Variants in FARS2 observed in about 807,000 individuals in gnomAD.
The protein encoded by FARS2 is phenylalanyl-tRNA synthetase 2, mitochondrial.
FARS2 carries 40 observed loss-of-function variants against 46.4 expected under a neutral mutation model. The ratio of observed to expected loss-of-function variants is 0.86; its 90% CI spans 0.67 to 1.12. The LOEUF (loss-of-function observed/expected upper bound fraction) is 1.12, where lower values mean the gene tolerates loss of function less well. FARS2 is among the 50% of genes most tolerant of loss of function. The pLI is 0.00. For missense variants in FARS2, 513 were observed against 567.9 expected (o/e 0.90, Z 0.98); for synonymous variants, 234 against 214.9 (o/e 1.09, Z -0.78).
intron 6 of FARS2, among the ~76,000 whole-genome samples, chr6:5,632,035 T>TA (rs914906141): frequency 9.9e-5 from 15 of 151,796 alleles, no homozygotes; most frequent in Non-Finnish European, 1.9e-4. Context: ...TAAAGTTAGA[T>TA]AAAACGAGCC....
intron 1 of FARS2, among the ~76,000 whole-genome samples, chr6:5,324,825 C>A (rs544862902): frequency 6.6e-6 from 1 of 152,240 alleles, no homozygotes; most frequent in South Asian, 2.1e-4. Flanking sequence ...CTGTGTACTT[C>A]ACACTGTGCA....
At chr6:5,571,552 C>G (rs1200254626) in intron 5 of FARS2, among the ~76,000 whole-genome samples, 2 of 152,086 alleles carry the variant, frequency 1.3e-5, no homozygotes, top group Non-Finnish European at 2.9e-5. Context: ...ATCACGAGCC[C>G]TCTGCTTCAC....
At chr6:5,749,606 T>G (rs1318504776) in intron 6 of FARS2, among the ~76,000 whole-genome samples, 2 of 152,228 alleles carry the variant, frequency 1.3e-5, no homozygotes, top group Non-Finnish European at 2.9e-5. Flanking sequence ...CCTTCTGTGC[T>G]GAAGGCCCCT....
At chr6:5,474,742 C>T (rs958430900) in intron 4 of FARS2, among the ~76,000 whole-genome samples, 2 of 145,978 alleles carry the variant, frequency 1.4e-5, no homozygotes, top group Non-Finnish European at 3.0e-5. Flanking sequence ...TTCACTGCAA[C>T]CTCTTCCTCC....
chr6:5,421,438 A>C (rs773878688), intron 3 of FARS2, among the ~76,000 whole-genome samples: 1 of 151,990 alleles, frequency 6.6e-6, no homozygotes, highest in Non-Finnish European at 1.5e-5. Flanking sequence ...ATTAACTTTC[A>C]CCTTCTTGTT....
At chr6:5,525,479 GAATT>G (rs1769405714) in intron 4 of FARS2, among the ~76,000 whole-genome samples, 1 of 152,172 alleles carries the variant, frequency 6.6e-6, no homozygotes, top group African/African-American at 2.4e-5. Flanking sequence ...AGGCCCTGGA[GAATT>G]CCAGCGTGGC....
chr6:5,287,167 G>C (rs1276665477), intron 1 of FARS2, among the ~76,000 whole-genome samples: 2 of 152,202 alleles, frequency 1.3e-5, no homozygotes, highest in Non-Finnish European at 2.9e-5. Context: ...AAATTTCCCG[G>C]GTGTGATATA....
chr6:5,340,704 A>G (rs1771494325), intron 1 of FARS2, among the ~76,000 whole-genome samples: 1 of 152,172 alleles, frequency 6.6e-6, no homozygotes, highest in Non-Finnish European at 1.5e-5. Context: ...TTCTTTCAGT[A>G]GGAACTCTGG....
chr6:5,767,928 T>C (rs1762835951), intron 6 of FARS2, among the ~76,000 whole-genome samples: 1 of 152,186 alleles, frequency 6.6e-6, no homozygotes, highest in Admixed American at 6.5e-5. Flanking sequence ...TGAGGGCATC[T>C]TTCACTTGAG....
chr6:5,352,336 T>G (rs1011150596), intron 1 of FARS2, among the ~76,000 whole-genome samples: 5 of 151,792 alleles, frequency 3.3e-5, no homozygotes, highest in Admixed American at 3.3e-4. Context: ...AAAAAAAAGC[T>G]TCCCAACCAG....
intron 4 of FARS2, among the ~76,000 whole-genome samples, chr6:5,491,548 A>G (rs620087): frequency 0.59 from 90,027 of 152,066 alleles, 26,943 homozygotes; most frequent in African/African-American, 0.65. Flanking sequence ...ATCATTAATC[A>G]CTTCCCTGTC....
intron 6 of FARS2, among the ~76,000 whole-genome samples, chr6:5,726,991 G>A (rs144552337): frequency 9.2e-5 from 14 of 152,330 alleles, no homozygotes; most frequent in Non-Finnish European, 1.6e-4. Context: ...AAATACCTTC[G>A]TGACCGCTGT....
At chr6:5,767,178 C>T (rs1475110767) in intron 6 of FARS2, among the ~76,000 whole-genome samples, 1 of 152,060 alleles carries the variant, frequency 6.6e-6, no homozygotes, top group Non-Finnish European at 1.5e-5. Context: ...GCCTCAGCCT[C>T]CCAAGTAGCT....
chr6:5,538,290 C>T (rs1039617221), intron 4 of FARS2, among the ~76,000 whole-genome samples: 4 of 152,112 alleles, frequency 2.6e-5, no homozygotes, highest in Non-Finnish European at 5.9e-5. Flanking sequence ...GTATTTATGA[C>T]TCACTTTCTT....
chr6:5,253,567 C>T, the FARS2 span, among the ~76,000 whole-genome samples: 43,639 of 152,018 alleles, frequency 0.29, 7,906 homozygotes, highest in African/African-American at 0.52. Flanking sequence ...TGCGACAACT[C>T]ATTTGGCCTA....
At chr6:5,736,462 A>G (rs945425602) in intron 6 of FARS2, among the ~76,000 whole-genome samples, 1 of 150,880 alleles carries the variant, frequency 6.6e-6, no homozygotes, top group African/African-American at 2.5e-5. Context: ...GAGAGCTGAG[A>G]GAATTCTCCT....
upstream of FARS2, among the ~76,000 whole-genome samples, chr6:5,256,264 C>G (rs573387686): frequency 2.0e-5 from 3 of 151,578 alleles, no homozygotes; most frequent in Admixed American, 2.0e-4. Context: ...CCGAGGTGGG[C>G]GGATCACCTT....
upstream of FARS2, chr6:5,261,013 G>A (rs1765071846): frequency 7.6e-6 from 8 of 1,051,084 alleles, no homozygotes; most frequent in South Asian, 2.2e-4. Context: ...TCCCGCCCCC[G>A]CCCGGAGGCT....
chr6:5,752,058 A>G (rs1036077000), intron 6 of FARS2, among the ~76,000 whole-genome samples: 21 of 152,142 alleles, frequency 1.4e-4, no homozygotes, highest in Non-Finnish European at 2.4e-4. Flanking sequence ...TGTGCCGTGC[A>G]AAGATCCCAA....
Sources: allele counts gnomAD v4.1 joint callset (sites outside exome capture counted in the v4.1 genomes callset), GRCh38; gene constraint gnomAD v4.1.1; transcripts MANE v1.5; gene names NCBI Gene and HGNC (gene_info 2026-07-23, HGNC 2026-07-21).